CHD1L: variants seen among roughly 807,000 people sequenced by gnomAD.
CHD1L encodes the protein ATP-dependent chromatin remodeler CHD1L.
Under a neutral mutation model 115.9 loss-of-function variants are expected in CHD1L, and 118 were observed. That is an observed-to-expected ratio of 1.02 (90% confidence interval 0.88 to 1.19). The LOEUF is 1.19. Ranked by LOEUF, CHD1L falls within the 50% of genes most tolerant of loss-of-function variation. CHD1L has a pLI of 0.00. For synonymous variants in CHD1L, 411 were observed against 387.1 expected (o/e 1.06, Z -0.72); for missense variants, 1,179 against 1,065.3 (o/e 1.11, Z -1.49).
upstream of CHD1L, among the ~76,000 whole-genome samples, chr1:147,240,207 G>C (rs181537445): frequency 4.2e-3 from 641 of 152,312 alleles, 21 homozygotes; most frequent in Admixed American, 0.033. Context: ...TCTGCCTTGA[G>C]ATGCTGTTAA....
At chr1:147,217,692 T>C in the CHD1L span, among the ~76,000 whole-genome samples, 1 of 152,242 alleles carries the variant, frequency 6.6e-6, no homozygotes, top group Non-Finnish European at 1.5e-5. Flanking sequence ...TTGAAGTCTC[T>C]TCTTCTAATC....
the CHD1L span, among the ~76,000 whole-genome samples, chr1:147,214,476 A>AAAG: frequency 6.6e-6 from 1 of 150,642 alleles, no homozygotes; most frequent in Non-Finnish European, 1.5e-5. Flanking sequence ...CAAAAAAAAA[A>AAAG]AGAGAGACAA....
the CHD1L span, among the ~76,000 whole-genome samples, chr1:147,207,846 G>C: frequency 4.6e-5 from 7 of 152,248 alleles, no homozygotes; most frequent in African/African-American, 1.7e-4. Flanking sequence ...CTCCCCTGTG[G>C]TATATCATCC....
chr1:147,266,517 G>T (rs587658985), intron 8 of CHD1L, among the ~76,000 whole-genome samples: 1 of 152,328 alleles, frequency 6.6e-6, no homozygotes, highest in East Asian at 1.9e-4. Flanking sequence ...GTTGTTAGTA[G>T]CATGATGAAA....
chr1:147,234,762 T>A, the CHD1L span, among the ~76,000 whole-genome samples: 2 of 152,248 alleles, frequency 1.3e-5, no homozygotes, highest in Non-Finnish European at 2.9e-5. Context: ...TTTAATGAGA[T>A]GAATTTATAC....
the CHD1L span, among the ~76,000 whole-genome samples, chr1:147,177,043 A>G: frequency 1.3e-5 from 2 of 151,968 alleles, no homozygotes; most frequent in African/African-American, 2.4e-5. Context: ...AATGACAAGC[A>G]GAAGCAAGGA....
intron 10 of CHD1L, 101 bp from the exon 11 acceptor site, chr1:147,270,831 A>T: frequency 1.1e-6 from 1 of 921,686 alleles, no homozygotes; most frequent in Non-Finnish European, 1.7e-6. Context: ...CTACTTTGGT[A>T]TTTATTTATA....
chr1:147,185,122 A>G, the CHD1L span, among the ~76,000 whole-genome samples: 1 of 151,792 alleles, frequency 6.6e-6, no homozygotes, highest in African/African-American at 2.4e-5. Flanking sequence ...TTTGAGTTCA[A>G]TTTCTTGTTC....
the CHD1L span, chr1:147,224,183 A>G: frequency 2.7e-5 from 7 of 263,750 alleles, no homozygotes; most frequent in East Asian, 4.8e-4. Flanking sequence ...CACTAGGAAG[A>G]CAAAGGAGGT....
chr1:147,294,875 G>A (rs1482912238), intron 22 of CHD1L, among the ~76,000 whole-genome samples: 3 of 152,132 alleles, frequency 2.0e-5, no homozygotes, highest in African/African-American at 7.2e-5. Flanking sequence ...ACTTCACACT[G>A]TTCATTTTAA....
the CHD1L span, chr1:147,174,707 T>C: frequency 2.6e-5 from 4 of 151,668 alleles, no homozygotes; most frequent in Non-Finnish European, 5.9e-5. Context: ...ATTCCTTTTT[T>C]TTTTCTTAGA....
At chr1:147,289,128 A>G (rs929277892) in intron 19 of CHD1L, among the ~76,000 whole-genome samples, 4 of 152,194 alleles carry the variant, frequency 2.6e-5, no homozygotes, top group Admixed American at 6.5e-5. Context: ...GAAATAGTCA[A>G]TCCAGATCTA....
the CHD1L span, among the ~76,000 whole-genome samples, chr1:147,206,812 AAATGACAAGTTAATGGATG>A: frequency 1.4e-4 from 4 of 29,090 alleles, no homozygotes; most frequent in African/African-American, 3.5e-3. Flanking sequence ...TATCTGATGT[AAATGACAAGTTAATGGATG>A]TAAATGACAA....
intron 1 of CHD1L, among the ~76,000 whole-genome samples, chr1:147,244,169 C>A (rs1665846898): frequency 6.6e-6 from 1 of 152,134 alleles, no homozygotes; most frequent in Non-Finnish European, 1.5e-5. Context: ...TGAGAGAGGG[C>A]TCAGAAAAGT....
At chr1:147,176,634 CTAAA>C in the CHD1L span, among the ~76,000 whole-genome samples, 3 of 152,128 alleles carry the variant, frequency 2.0e-5, no homozygotes, top group African/African-American at 7.2e-5. Flanking sequence ...GATACTGTGA[CTAAA>C]TATTCACTGC....
chr1:147,262,195 C>A (rs370020044), intron 6 of CHD1L, among the ~76,000 whole-genome samples: 1,932 of 125,874 alleles, frequency 0.015, no homozygotes, highest in Middle Eastern at 0.025. Context: ...GACTCTGTCT[C>A]AAAAAAAAAA....
intron 12 of CHD1L, 182 bp downstream of exon 12, chr1:147,272,463 T>C (rs1186617650): frequency 1.4e-5 from 7 of 496,452 alleles, no homozygotes; most frequent in African/African-American, 7.9e-5. Context: ...CAAACTGTCA[T>C]CTCAGCAAAG....
At chr1:147,225,016 CT>C in the CHD1L span, 1 of 1,518,976 alleles carries the variant, frequency 6.6e-7, no homozygotes, top group African/African-American at 1.8e-5. Flanking sequence ...CACAGCAATT[CT>C]TTTCTTAGTC....
the CHD1L span, chr1:147,209,127 G>C: frequency 1.5e-6 from 2 of 1,353,108 alleles, no homozygotes; most frequent in Non-Finnish European, 2.1e-6. Context: ...TTTTCTTCAA[G>C]AATCATTTCA....
Sources: gnomAD v4.1 joint callset for allele counts (sites outside exome capture counted in the v4.1 genomes callset) on GRCh38, gnomAD v4.1.1 for gene constraint, MANE v1.5 for transcripts, NCBI Gene and HGNC (gene_info 2026-07-23, HGNC 2026-07-21) for gene names.